The following METAP1D variants were observed in gnomAD, a reference collection of about 807,000 sequenced individuals.
METAP1D encodes methionine aminopeptidase 1D, mitochondrial.
In METAP1D, 31 loss-of-function variants were observed where a neutral mutation model predicts 40.5. That is an observed-to-expected ratio of 0.77 (90% CI 0.58 to 1.03). METAP1D has a LOEUF of 1.03. METAP1D is among the 50% of genes least tolerant of loss of function. The probability of loss-of-function intolerance (pLI) is 0.00; values close to 1 mark genes in which losing one functional copy is unlikely to be tolerated. For missense variants in METAP1D, 411 were observed against 420.7 expected, an observed-to-expected ratio of 0.98 and a Z score of 0.20; for synonymous variants, 151 against 146.4, an observed-to-expected ratio of 1.03 and a Z score of -0.22.
intron 1 of METAP1D, among the ~76,000 whole-genome samples, chr2:172,051,333 A>G (rs968873306): frequency 1.3e-5 from 2 of 152,148 alleles, no homozygotes; most frequent in Non-Finnish European, 2.9e-5. Context: ...CTGTGTTTCT[A>G]GAGTAGGTTG....
chr2:172,066,171 T>G, intron 4 of METAP1D, 93 bp from the exon 5 acceptor site: 1 of 960,756 alleles, frequency 1.0e-6, no homozygotes, highest in Non-Finnish European at 1.6e-6. Context: ...CTGCATCCCA[T>G]TGGGTTTGTG....
chr2:172,074,595 T>C (rs1174218523), intron 6 of METAP1D, among the ~76,000 whole-genome samples: 1 of 152,182 alleles, frequency 6.6e-6, no homozygotes, highest in Non-Finnish European at 1.5e-5. Context: ...TAATTTGTGA[T>C]CTGGTTTGAA....
At chr2:172,010,965 C>CTGG (rs1688704896) in intron 1 of METAP1D, among the ~76,000 whole-genome samples, 2 of 152,002 alleles carry the variant, frequency 1.3e-5, no homozygotes, top group Admixed American at 1.3e-4. Flanking sequence ...GTTGGCCAGG[C>CTGG]TGGTCTCTTA....
At chr2:172,065,898 G>A (rs1690266093) in intron 4 of METAP1D, 146 bp downstream of exon 4, 1 of 859,256 alleles carries the variant, frequency 1.2e-6, no homozygotes, top group Admixed American at 3.0e-5. Flanking sequence ...AAATTTTGAA[G>A]TATTTTACTT....
intron 1 of METAP1D, among the ~76,000 whole-genome samples, chr2:172,025,737 C>T (rs1339313142): frequency 6.6e-6 from 1 of 152,080 alleles, no homozygotes; most frequent in African/African-American, 2.4e-5. Flanking sequence ...GAGTCTGGGT[C>T]GCTTCGTTGC....
chr2:172,042,412 T>G (rs1312808106), intron 1 of METAP1D, among the ~76,000 whole-genome samples: 1 of 50,750 alleles, frequency 2.0e-5, no homozygotes, highest in African/African-American at 7.5e-5. Context: ...CATATGTATG[T>G]GTACATGTGT....
chr2:172,075,753 G>A (rs925003010), intron 6 of METAP1D, among the ~76,000 whole-genome samples: 13 of 152,188 alleles, frequency 8.5e-5, no homozygotes, highest in African/African-American at 3.1e-4. Flanking sequence ...CAATCCAGAA[G>A]GAAAATACTC....
At chr2:172,012,023 A>G (rs1172572968) in intron 1 of METAP1D, among the ~76,000 whole-genome samples, 1 of 152,234 alleles carries the variant, frequency 6.6e-6, no homozygotes, top group Non-Finnish European at 1.5e-5. Flanking sequence ...CATCCCTTTT[A>G]TCTTTCACAT....
chr2:172,063,959 T>G, intron 3 of METAP1D, 99 bp downstream of exon 3: 1 of 1,317,502 alleles, frequency 7.6e-7, no homozygotes, highest in Non-Finnish European at 9.8e-7. Context: ...TGACATCTAA[T>G]TTGTTTTAAA....
At chr2:172,034,449 G>A (rs1049065136) in intron 1 of METAP1D, among the ~76,000 whole-genome samples, 39 of 151,914 alleles carry the variant, frequency 2.6e-4, no homozygotes, top group South Asian at 4.2e-4. Context: ...TGGTTAGGGC[G>A]TTGCCTATAA....
chr2:172,036,752 T>C (rs1022629223), intron 1 of METAP1D, among the ~76,000 whole-genome samples: 9 of 152,212 alleles, frequency 5.9e-5, no homozygotes, highest in African/African-American at 2.2e-4. Context: ...ATACCTAGGA[T>C]TGAATTAGTG....
chr2:172,065,248 G>A (rs1388585324), intron 3 of METAP1D, among the ~76,000 whole-genome samples: 1 of 152,140 alleles, frequency 6.6e-6, no homozygotes, highest in Non-Finnish European at 1.5e-5. Flanking sequence ...GCGCTGGGTA[G>A]CCCAGGGCAC....
intron 1 of METAP1D, among the ~76,000 whole-genome samples, chr2:172,008,327 CCTT>C (rs1558991535): frequency 6.6e-6 from 1 of 152,096 alleles, no homozygotes; most frequent in Non-Finnish European, 1.5e-5. Context: ...TTTAATTACT[CCTT>C]CTTTATTTAT....
At chr2:172,012,322 C>T (rs374725696) in intron 1 of METAP1D, among the ~76,000 whole-genome samples, 2 of 152,146 alleles carry the variant, frequency 1.3e-5, no homozygotes, top group African/African-American at 2.4e-5. Flanking sequence ...TTCAGGACAT[C>T]GCCCGAGCGC....
intron 1 of METAP1D, among the ~76,000 whole-genome samples, chr2:172,025,764 T>A (rs1332794954): frequency 1.3e-5 from 2 of 152,162 alleles, no homozygotes; most frequent in Non-Finnish European, 2.9e-5. Context: ...TGGAGTGCAG[T>A]GACACAGTCA....
Position 172,022,985 on chromosome 2 carries a change from G to A in METAP1D, c.40+22976G>A, listed in dbSNP as rs374099036. On this transcript the variant is annotated intron_variant, in intron 1 of 9. Transcript: ENST00000315796. ...GCTGATCACCTGAGGTCGGGAGTTC[G>A]AGATCAGCCTGACCAACATGGAGAA... 3.3e-5 allele frequency among the ~76,000 whole-genome samples: 5 copies of A among 152,162 alleles called. 1 individual carries two copies. Among genetic ancestry groups the A allele is most frequent in the African/African-American group, 1.2e-4 (5 of 41,518 alleles).
intron 1 of METAP1D, among the ~76,000 whole-genome samples, chr2:172,045,819 G>GTATATATATA (rs796640775): frequency 2.6e-4 from 4 of 15,182 alleles, no homozygotes; most frequent in African/African-American, 6.3e-4. Context: ...GTGTGTGTGT[G>GTATATATATA]TATATATATA....
intron 1 of METAP1D, among the ~76,000 whole-genome samples, chr2:172,045,319 T>C (rs1281246952): frequency 7.5e-6 from 1 of 133,194 alleles, no homozygotes; most frequent in East Asian, 2.0e-4. Context: ...TTAAATAAGG[T>C]ACTATGTGAT....
chr2:172,065,816 CAT>C, intron 4 of METAP1D, 64 bp downstream of exon 4: 2 of 1,512,738 alleles, frequency 1.3e-6, no homozygotes, highest in Non-Finnish European at 1.8e-6. Context: ...AGATCTGTAA[CAT>C]ATGTTGAAAG....
Sources: gnomAD v4.1 joint callset for allele counts (sites outside exome capture counted in the v4.1 genomes callset) on GRCh38, gnomAD v4.1.1 for gene constraint, MANE v1.5 for transcripts, NCBI Gene and HGNC (gene_info 2026-07-23, HGNC 2026-07-21) for gene names.